Variants in PDS5A observed in about 807,000 individuals in gnomAD.
The protein encoded by PDS5A is PDS5 cohesin associated factor A, also known as sister chromatid cohesion protein PDS5 homolog A.
A neutral mutation model predicts 167.1 loss-of-function variants in PDS5A; 42 were observed. That is an observed-to-expected ratio of 0.25 (90% confidence interval 0.20 to 0.33). PDS5A has a LOEUF of 0.33. Ranked by LOEUF, PDS5A falls within the 10% of genes least tolerant of loss-of-function variation. The pLI is 1.00. For synonymous variants in PDS5A, 553 were observed against 554.6 expected, an observed-to-expected ratio of 1.00 and a Z score of 0.04; for missense variants, 1,033 against 1,605.9, an observed-to-expected ratio of 0.64 and a Z score of 6.10.
In PDS5A at chr4:39,964,527, G is replaced by A. The variant is rs543032022; in HGVS notation, c.138+11913C>T. On this transcript the variant is annotated intron_variant, in intron 2 of 32. Coordinates refer to ENST00000303538, the MANE Select transcript of PDS5A (RefSeq NM_001100399.2). ...AAGACCAGCCTGATCAACGTAGAGC[G>A]ACCCCCAAAACTACAACAAATTTAA... is the stretch of plus-strand genomic sequence containing the variant. 8.5e-5 allele frequency among the ~76,000 whole-genome samples: 13 copies of A among 152,180 alleles called. No individual in the cohort carries two copies. The South Asian group carries it at 1.9e-3, about 22-fold the overall frequency.
chr4:39,867,040 T>C (rs780246601), intron 22 of PDS5A, 43 bp from the exon 23 acceptor site: 2 of 1,489,132 alleles, frequency 1.3e-6, no homozygotes, highest in Non-Finnish European at 1.8e-6. Context: ...CAACTTAAAA[T>C]TCCAATTAAA....
intron 28 of PDS5A, 94 bp from the exon 29 acceptor site, chr4:39,845,974 C>T: frequency 2.0e-6 from 2 of 1,024,404 alleles, no homozygotes; most frequent in African/African-American, 1.7e-5. Context: ...AGGTATTGTG[C>T]CTTGCAATAA....
chr4:39,843,942 C>T (rs1425536582), intron 30 of PDS5A, among the ~76,000 whole-genome samples: 2 of 151,634 alleles, frequency 1.3e-5, no homozygotes, highest in East Asian at 1.9e-4. Context: ...CCCAGGAGAT[C>T]GAGCCCGACC....
chr4:39,913,499 T>C lies in PDS5A; in HGVS notation c.992+112A>G, dbSNP rs1182296034. 5 of 614,018 alleles carry C rather than the reference T, an allele frequency of 8.1e-6. No individual in the cohort carries two copies. The African/African-American group carries it at 9.2e-5, about 11-fold the overall frequency. The allele number at this position is 614,018 out of a possible 1,614,324, so 38.0% of individuals were successfully genotyped here. A position where few individuals can be genotyped will look rare whatever the true frequency, so the allele number is the denominator to read the frequency against. On this transcript the variant is annotated intron_variant, in intron 9 of 32. Transcript: ENST00000303538. Reference sequence around the variant, plus strand: ...AGAAGGATGGAAACACAGATGACAATGAAACCAACATCTATTAATGAAAGT... The same window carrying C: ...AGAAGGATGGAAACACAGATGACAACGAAACCAACATCTATTAATGAAAGT...
At chr4:39,973,840 G>C in intron 2 of PDS5A, 1 of 1,006,910 alleles carries the variant, frequency 9.9e-7, no homozygotes, top group Non-Finnish European at 1.6e-6. Flanking sequence ...GAACCGTGCT[G>C]CAAGACCGGG....
intron 31 of PDS5A, among the ~76,000 whole-genome samples, chr4:39,839,763 G>A (rs919550130): frequency 2.1e-5 from 3 of 144,950 alleles, no homozygotes; most frequent in Non-Finnish European, 4.6e-5. Context: ...CTGGGGGGGG[G>A]GGGCAGGGGA....
intron 10 of PDS5A, chr4:39,908,855 C>T (rs925515692): frequency 2.8e-5 from 6 of 218,132 alleles, no homozygotes; most frequent in South Asian, 9.3e-5. Flanking sequence ...GGCAAAACCC[C>T]GTCTCTACGA....
chr4:39,838,339 C>T (rs755713187), intron 31 of PDS5A, 131 bp from the exon 32 acceptor site: 2 of 666,828 alleles, frequency 3.0e-6, no homozygotes, highest in Non-Finnish European at 5.0e-6. Flanking sequence ...GCTTACATCA[C>T]ATTAGGAAAG....
At chr4:39,837,789 C>T (rs1716565360) in intron 32 of PDS5A, 67 bp downstream of exon 32, 2 of 1,227,436 alleles carry the variant, frequency 1.6e-6, no homozygotes, top group South Asian at 1.5e-5. Context: ...GTGACTGGCA[C>T]TAAGAATATA....
At chr4:39,953,392 GT>G (rs1728599328) in intron 2 of PDS5A, among the ~76,000 whole-genome samples, 1 of 150,098 alleles carries the variant, frequency 6.7e-6, no homozygotes, top group South Asian at 2.1e-4. Flanking sequence ...CCAGGGCAGT[GT>G]TTTTCAAACC....
chr4:39,907,541 G>A (rs573439366), intron 11 of PDS5A, among the ~76,000 whole-genome samples: 1 of 151,002 alleles, frequency 6.6e-6, no homozygotes, highest in Admixed American at 6.6e-5. Flanking sequence ...TTCATTAGTT[G>A]TATTCTTAAC....
At chr4:39,888,643 G>A (rs1327662794) in intron 17 of PDS5A, among the ~76,000 whole-genome samples, 1 of 150,848 alleles carries the variant, frequency 6.6e-6, no homozygotes, top group Non-Finnish European at 1.5e-5. Context: ...GTAGCAACAT[G>A]TATGCAAATG....
intron 2 of PDS5A, among the ~76,000 whole-genome samples, chr4:39,929,099 T>C (rs1725725989): frequency 6.6e-6 from 1 of 152,212 alleles, no homozygotes; most frequent in Non-Finnish European, 1.5e-5. Flanking sequence ...ATCACAATAA[T>C]TTCCTCAGAT....
At chr4:39,972,483 G>C (rs1730645172) in intron 2 of PDS5A, among the ~76,000 whole-genome samples, 1 of 152,088 alleles carries the variant, frequency 6.6e-6, no homozygotes, top group Non-Finnish European at 1.5e-5. Context: ...TTGCACCACT[G>C]CATTCCAGCC....
At chr4:39,967,553 A>T (rs1380578892) in intron 2 of PDS5A, among the ~76,000 whole-genome samples, 1 of 151,370 alleles carries the variant, frequency 6.6e-6, no homozygotes, top group African/African-American at 2.4e-5. Context: ...AGGCTGAGGC[A>T]GGCGAATTGC....
intron 17 of PDS5A, among the ~76,000 whole-genome samples, chr4:39,880,499 A>G (rs138103279): frequency 5.3e-5 from 8 of 152,324 alleles, no homozygotes; most frequent in South Asian, 4.1e-4. Flanking sequence ...TGAGATCAGT[A>G]AACTGAAGAA....
chr4:39,853,989 T>TG (rs1211629851), intron 26 of PDS5A, among the ~76,000 whole-genome samples: 1 of 152,218 alleles, frequency 6.6e-6, no homozygotes, highest in East Asian at 1.9e-4. Flanking sequence ...TTACCCTTGC[T>TG]GGTATCTTCA....
At chr4:39,869,043 G>A (rs1327104034) in intron 22 of PDS5A, among the ~76,000 whole-genome samples, 2 of 152,148 alleles carry the variant, frequency 1.3e-5, no homozygotes. Flanking sequence ...CATTAAGATT[G>A]CTTTAGCAGG....
At chr4:39,853,494 T>C (rs749746194) in intron 26 of PDS5A, among the ~76,000 whole-genome samples, 3 of 152,196 alleles carry the variant, frequency 2.0e-5, no homozygotes, top group Non-Finnish European at 4.4e-5. Flanking sequence ...TCTAATTCTG[T>C]CACCCTCACC....
Sources: gnomAD v4.1 joint callset for allele counts (sites outside exome capture counted in the v4.1 genomes callset) on GRCh38, gnomAD v4.1.1 for gene constraint, MANE v1.5 for transcripts, NCBI Gene and HGNC (gene_info 2026-07-23, HGNC 2026-07-21) for gene names.